DSE: variants seen among roughly 807,000 people sequenced by gnomAD.
DSE encodes the protein dermatan sulfate epimerase.
Under a neutral mutation model 84.4 loss-of-function variants are expected in DSE, and 36 were observed. The ratio of observed to expected loss-of-function variants is 0.43; its 90% CI spans 0.33 to 0.56. The LOEUF (loss-of-function observed/expected upper bound fraction) is 0.56. DSE is among the 20% of genes least tolerant of loss of function. The pLI is 0.06. For missense variants in DSE, 862 were observed against 1,169.6 expected (o/e 0.74, Z 3.84); for synonymous variants, 410 against 430.1 (o/e 0.95, Z 0.58).
Position 116,426,570 on chromosome 6 carries a change from A to T in DSE, c.417-4A>T. 1 of 1,611,642 alleles carries T rather than the reference A, an allele frequency of 6.2e-7. No individual in the cohort carries two copies. Among genetic ancestry groups the T allele is most frequent in the Non-Finnish European group, 8.5e-7 (1 of 1,178,116 alleles). ...TCATTTCCATGATTTATTTTCCTTT[A>T]CAGGTTGGTGAAAGATGCTCCTTGG... On this transcript the variant is annotated splice_polypyrimidine_tract_variant and splice_region_variant and intron_variant, in intron 2 of 5. Coordinates refer to ENST00000644252, the MANE Select transcript of DSE (RefSeq NM_013352.4).
chr6:116,367,157 C>T (rs891546569), upstream of DSE: 1 of 152,406 alleles, frequency 6.6e-6, no homozygotes, highest in Non-Finnish European at 1.5e-5. Flanking sequence ...CTGGAGGATG[C>T]CTGGCCAGGG....
At chr6:116,345,007 A>AG (rs543765116) in intron 2 of DSE, among the ~76,000 whole-genome samples, 113 of 152,240 alleles carry the variant, frequency 7.4e-4, no homozygotes, top group Non-Finnish European at 1.2e-3. Flanking sequence ...AAACCAACAA[A>AG]ATCAAAAGAG....
chr6:116,330,325 G>T (rs886880929), intron 2 of DSE, among the ~76,000 whole-genome samples: 12 of 152,154 alleles, frequency 7.9e-5, no homozygotes, highest in African/African-American at 2.9e-4. Flanking sequence ...TTATCATACA[G>T]AGGAAGGCGT....
At chr6:116,270,226 C>A (rs1772821928) in intron 2 of DSE, among the ~76,000 whole-genome samples, 1 of 152,148 alleles carries the variant, frequency 6.6e-6, no homozygotes, top group African/African-American at 2.4e-5. Flanking sequence ...AATTACATTT[C>A]CCTCATTGTT....
At chr6:116,349,660 G>A (rs1421988803) in intron 2 of DSE, among the ~76,000 whole-genome samples, 1 of 152,146 alleles carries the variant, frequency 6.6e-6, no homozygotes, top group Non-Finnish European at 1.5e-5. Flanking sequence ...GATTGAGTGA[G>A]CTCTCATGGA....
At chr6:116,268,781 T>C (rs952701255) in intron 2 of DSE, among the ~76,000 whole-genome samples, 2 of 152,182 alleles carry the variant, frequency 1.3e-5, no homozygotes, top group African/African-American at 4.8e-5. Flanking sequence ...TTTAGGATGA[T>C]AGTACGATTC....
chr6:116,361,410 C>T (rs1159289124), intron 2 of DSE, among the ~76,000 whole-genome samples: 1 of 152,162 alleles, frequency 6.6e-6, no homozygotes, highest in Admixed American at 6.5e-5. Context: ...GTTTATATGG[C>T]TTAATGAGCT....
At chr6:116,373,820 TTTC>T (rs1388254421) in intron 1 of DSE, among the ~76,000 whole-genome samples, 3 of 152,242 alleles carry the variant, frequency 2.0e-5, no homozygotes, top group Non-Finnish European at 4.4e-5. Context: ...TATTTATACA[TTTC>T]TTAATGTTAT....
intron 2 of DSE, among the ~76,000 whole-genome samples, chr6:116,273,786 G>C (rs1772987349): frequency 6.6e-6 from 1 of 151,530 alleles, no homozygotes; most frequent in South Asian, 2.1e-4. Flanking sequence ...AACAACTACT[G>C]CAAGATTACA....
At chr6:116,308,985 T>C (rs1018784603) in intron 2 of DSE, among the ~76,000 whole-genome samples, 2 of 152,182 alleles carry the variant, frequency 1.3e-5, no homozygotes, top group African/African-American at 4.8e-5. Context: ...TTCTAATAAA[T>C]AGTGGCTCTT....
At chr6:116,296,084 C>T (rs1774647970) in intron 2 of DSE, among the ~76,000 whole-genome samples, 1 of 152,054 alleles carries the variant, frequency 6.6e-6, no homozygotes, top group Admixed American at 6.5e-5. Flanking sequence ...TATAGCTGTC[C>T]CTTGGTATCC....
intron 2 of DSE, among the ~76,000 whole-genome samples, chr6:116,415,581 ACCTCTTGGGCCAGT>A (rs1021744262): frequency 1.9e-5 from 2 of 107,298 alleles, no homozygotes; most frequent in Non-Finnish European, 3.9e-5. Flanking sequence ...CACATGTTTA[ACCTCTTGGGCCAGT>A]CCTCTTTTTT....
chr6:116,361,128 C>T (rs1353973584), intron 2 of DSE, among the ~76,000 whole-genome samples: 1 of 151,946 alleles, frequency 6.6e-6, no homozygotes, highest in Admixed American at 6.6e-5. Flanking sequence ...GGCGTGATCT[C>T]GGCTGACCAC....
intron 3 of DSE, among the ~76,000 whole-genome samples, chr6:116,430,605 G>A (rs1181522889): frequency 6.6e-6 from 1 of 151,814 alleles, no homozygotes; most frequent in African/African-American, 2.4e-5. Flanking sequence ...GCAGTGGCGC[G>A]ATCTCCGCTC....
At chr6:116,374,314 A>G (rs976862529) in intron 1 of DSE, among the ~76,000 whole-genome samples, 2 of 152,178 alleles carry the variant, frequency 1.3e-5, no homozygotes, top group Non-Finnish European at 2.9e-5. Flanking sequence ...AAAAAAAGAG[A>G]AATACTGTTA....
chr6:116,287,014 C>T (rs993215928), intron 2 of DSE, among the ~76,000 whole-genome samples: 1 of 152,072 alleles, frequency 6.6e-6, no homozygotes, highest in African/African-American at 2.4e-5. Flanking sequence ...TTATTGTTAC[C>T]AATTTCTGGA....
intron 1 of DSE, among the ~76,000 whole-genome samples, chr6:116,372,557 A>G (rs1779666750): frequency 6.6e-6 from 1 of 152,258 alleles, no homozygotes; most frequent in African/African-American, 2.4e-5. Flanking sequence ...TGGGATCACA[A>G]AAAACCTAAT....
intron 2 of DSE, among the ~76,000 whole-genome samples, chr6:116,403,593 A>G (rs1349155665): frequency 6.6e-6 from 1 of 152,214 alleles, no homozygotes; most frequent in African/African-American, 2.4e-5. Flanking sequence ...AAGGAATGTG[A>G]CAGTTGCTAA....
At chr6:116,373,077 G>C (rs1013668270) in intron 1 of DSE, among the ~76,000 whole-genome samples, 2 of 150,426 alleles carry the variant, frequency 1.3e-5, no homozygotes, top group Admixed American at 6.6e-5. Context: ...AAAAAGGGCT[G>C]GGTGCGGTGG....
Sources: gnomAD v4.1 joint callset for allele counts (sites outside exome capture counted in the v4.1 genomes callset) on GRCh38, gnomAD v4.1.1 for gene constraint, MANE v1.5 for transcripts, NCBI Gene and HGNC (gene_info 2026-07-23, HGNC 2026-07-21) for gene names.